Variants in ADARB2 observed in about 807,000 individuals in gnomAD.
The protein encoded by ADARB2 is inactive double-stranded RNA-specific editase B2.
ADARB2 carries 25 observed loss-of-function variants against 62.2 expected under a neutral mutation model. The observed-to-expected ratio is 0.40, with a 90% confidence interval of 0.29 to 0.56. The LOEUF (loss-of-function observed/expected upper bound fraction) is 0.56, where lower values mean the gene tolerates loss of function less well. Ranked by LOEUF, ADARB2 falls within the 20% of genes least tolerant of loss-of-function variation. The pLI, the probability that ADARB2 is intolerant of heterozygous loss-of-function variation, is 0.43. For missense variants in ADARB2, 1,071 were observed against 1,077.4 expected (o/e 0.99, Z 0.08); for synonymous variants, 572 against 500.8 (o/e 1.14, Z -1.90).
chr10:1,263,877 C>G (rs1236021991), intron 4 of ADARB2, among the ~76,000 whole-genome samples: 2 of 152,150 alleles, frequency 1.3e-5, no homozygotes, highest in Non-Finnish European at 2.9e-5. Flanking sequence ...AATGTCCAGT[C>G]ATTGATTTTC....
chr10:1,475,207 A>C (rs1452304070), intron 1 of ADARB2, among the ~76,000 whole-genome samples: 2 of 152,180 alleles, frequency 1.3e-5, no homozygotes, highest in East Asian at 3.9e-4. Flanking sequence ...TCCCAGACTG[A>C]AGCCAGAGGC....
intron 7 of ADARB2, among the ~76,000 whole-genome samples, chr10:1,209,547 ATG>A (rs1564221305): frequency 2.0e-4 from 7 of 35,788 alleles, no homozygotes; most frequent in East Asian, 6.1e-4. Flanking sequence ...GCCCACACCC[ATG>A]CCATCACCCA....
At chr10:1,420,095 C>T (rs1832839483) in intron 1 of ADARB2, among the ~76,000 whole-genome samples, 1 of 152,142 alleles carries the variant, frequency 6.6e-6, no homozygotes, top group Non-Finnish European at 1.5e-5. Flanking sequence ...AAACATTTAG[C>T]AATTAAGCAG....
At chr10:1,360,958 G>C (rs1205339014) in intron 3 of ADARB2, 1 of 152,452 alleles carries the variant, frequency 6.6e-6, no homozygotes, top group Non-Finnish European at 1.5e-5. Context: ...TTTCACATGA[G>C]TGGGACGCAG....
intron 5 of ADARB2, among the ~76,000 whole-genome samples, chr10:1,234,504 G>A (rs1441657189): frequency 6.6e-6 from 1 of 151,810 alleles, no homozygotes; most frequent in Non-Finnish European, 1.5e-5. Context: ...GCAGTAGCGT[G>A]ATCACGGCTC....
intron 1 of ADARB2, among the ~76,000 whole-genome samples, chr10:1,393,824 C>T (rs1405530437): frequency 6.6e-6 from 1 of 151,730 alleles, no homozygotes; most frequent in Admixed American, 6.5e-5. Context: ...TGACTCCTTG[C>T]AAGAAAGTAT....
chr10:1,297,878 A>G (rs1564250241), intron 3 of ADARB2, among the ~76,000 whole-genome samples: 1 of 152,172 alleles, frequency 6.6e-6, no homozygotes, highest in Non-Finnish European at 1.5e-5. Flanking sequence ...GCTGGAGGCC[A>G]GGAGAGAGGG....
intron 1 of ADARB2, among the ~76,000 whole-genome samples, chr10:1,465,892 C>T (rs918570263): frequency 6.6e-6 from 1 of 152,244 alleles, no homozygotes; most frequent in African/African-American, 2.4e-5. Context: ...TCAGAGTGTA[C>T]TTTTGCTTTT....
intron 1 of ADARB2, among the ~76,000 whole-genome samples, chr10:1,603,368 C>T (rs1274067226): frequency 1.3e-5 from 2 of 152,206 alleles, no homozygotes; most frequent in African/African-American, 2.4e-5. Flanking sequence ...CCCTGGTAGT[C>T]GCTCCGCTCT....
At chr10:1,372,130 A>T (rs995734498) in intron 2 of ADARB2, among the ~76,000 whole-genome samples, 2 of 152,384 alleles carry the variant, frequency 1.3e-5, no homozygotes, top group Middle Eastern at 3.4e-3. Context: ...CCATGTATCC[A>T]TAAAAAAGGG....
intron 1 of ADARB2, among the ~76,000 whole-genome samples, chr10:1,643,943 TCTC>T (rs1564356216): frequency 8.6e-5 from 13 of 151,972 alleles, no homozygotes; most frequent in Admixed American, 8.5e-4. Context: ...GGCGGTGTGA[TCTC>T]CTCTCCCCAG....
intron 1 of ADARB2, among the ~76,000 whole-genome samples, chr10:1,459,265 G>T (rs1194801834): frequency 1.3e-5 from 2 of 152,176 alleles, no homozygotes; most frequent in Admixed American, 1.3e-4. Context: ...GCAAGACATG[G>T]AATCAACATA....
chr10:1,515,414 C>G (rs1831995829), intron 1 of ADARB2, among the ~76,000 whole-genome samples: 1 of 152,230 alleles, frequency 6.6e-6, no homozygotes, highest in Non-Finnish European at 1.5e-5. Context: ...CCGCCGTGAC[C>G]CAGTAGATCT....
chr10:1,709,219 G>T (rs183513769), intron 1 of ADARB2, among the ~76,000 whole-genome samples: 4 of 152,138 alleles, frequency 2.6e-5, no homozygotes, highest in African/African-American at 9.7e-5. Flanking sequence ...TTAAGGGGAT[G>T]GTTTAGACTT....
At chr10:1,202,512 T>C (rs1349518898) in intron 7 of ADARB2, among the ~76,000 whole-genome samples, 1 of 152,114 alleles carries the variant, frequency 6.6e-6, no homozygotes, top group Non-Finnish European at 1.5e-5. Context: ...GTTGAGGGAT[T>C]TGGCTTCTTC....
intron 1 of ADARB2, among the ~76,000 whole-genome samples, chr10:1,612,217 G>C (rs547542461): frequency 1.3e-5 from 2 of 152,340 alleles, no homozygotes; most frequent in African/African-American, 4.8e-5. Context: ...GAGTTGTGAG[G>C]AGGGGCCGCG....
chr10:1,328,677 G>T lies in ADARB2; in HGVS notation c.1077+34351C>A, dbSNP rs149759383. 2.8e-3 allele frequency among the ~76,000 whole-genome samples: 432 copies of T among 152,162 alleles called. 4 individuals carry two copies. Among genetic ancestry groups the T allele is most frequent in the African/African-American group, 9.7e-3 (401 of 41,510 alleles). ...TCCAGAGCTTGGCATGTAAAACTTCGATTTCATTTTGCTTACCAAGAAGCA... is the reference window on the plus strand; with the variant it reads ...TCCAGAGCTTGGCATGTAAAACTTCTATTTCATTTTGCTTACCAAGAAGCA... On this transcript the variant is annotated intron_variant, in intron 3 of 9. Transcript: ENST00000381312.
intron 3 of ADARB2, among the ~76,000 whole-genome samples, chr10:1,354,383 C>T (rs1165846080): frequency 6.6e-6 from 1 of 152,098 alleles, no homozygotes; most frequent in Non-Finnish European, 1.5e-5. Context: ...CTTGTGACCC[C>T]CACCCCTGCC....
intron 1 of ADARB2, among the ~76,000 whole-genome samples, chr10:1,558,122 C>T (rs886255105): frequency 6.6e-6 from 1 of 152,070 alleles, no homozygotes; most frequent in African/African-American, 2.4e-5. Flanking sequence ...CCCCGTGACT[C>T]TGGAACCCTC....
Sources: gnomAD v4.1 joint callset for allele counts (sites outside exome capture counted in the v4.1 genomes callset) on GRCh38, gnomAD v4.1.1 for gene constraint, MANE v1.5 for transcripts, NCBI Gene and HGNC (gene_info 2026-07-23, HGNC 2026-07-21) for gene names.